The following ACBD5 variants were observed in gnomAD, a reference collection of about 807,000 sequenced individuals.
ACBD5 encodes the protein acyl-CoA binding domain containing 5.
Under a neutral mutation model 71.8 loss-of-function variants are expected in ACBD5, and 40 were observed. The observed-to-expected ratio is 0.56, with a 90% confidence interval of 0.43 to 0.72. ACBD5 has a LOEUF of 0.72. Among genes scored for constraint, ACBD5 ranks in the 30% least tolerant of loss-of-function variants. ACBD5 has a pLI of 0.00. For synonymous variants in ACBD5, 229 were observed against 218.6 expected, an observed-to-expected ratio of 1.05 and a Z score of -0.42; for missense variants, 559 against 644.5, an observed-to-expected ratio of 0.87 and a Z score of 1.44.
Position 27,195,699 on chromosome 10 carries a change from CAT to C in ACBD5, c.*1729_*1730del. The C allele has an allele frequency of 2.4e-6, 1 of 421,968 alleles. No individual in the cohort carries two copies. Among genetic ancestry groups the C allele is most frequent in the Non-Finnish European group, 4.6e-6 (1 of 218,166 alleles). 26.1% of individuals were successfully genotyped at this position (421,968 alleles called of 1,614,324 possible). On this transcript the variant is annotated 3_prime_UTR_variant, in exon 13 of 13. Coordinates refer to ENST00000396271, the MANE Select transcript of ACBD5 (RefSeq NM_145698.5). Reference sequence around the variant, plus strand: ...ATAGTAGTAGATCCCTTTAGACAGACATATTTTAATCAGTATGGGATTAAATA... The same window carrying C: ...ATAGTAGTAGATCCCTTTAGACAGACATTTTAATCAGTATGGGATTAAATA...
At chr10:27,192,436 A>G (rs1800949210), downstream of ACBD5, among the ~76,000 whole-genome samples, 1 of 152,140 alleles carries the variant, frequency 6.6e-6, no homozygotes, top group Non-Finnish European at 1.5e-5. Flanking sequence ...CACTGTGGTC[A>G]GGAGAATGGG....
intron 12 of ACBD5, among the ~76,000 whole-genome samples, chr10:27,202,360 TCAAA>T (rs2060011493): frequency 6.6e-6 from 1 of 152,104 alleles, no homozygotes; most frequent in Non-Finnish European, 1.5e-5. Context: ...TTTGGAAGGA[TCAAA>T]CAGTTAACAT....
intron 3 of ACBD5, among the ~76,000 whole-genome samples, chr10:27,233,198 G>T (rs373258364): frequency 2.0e-5 from 3 of 152,216 alleles, no homozygotes; most frequent in African/African-American, 7.2e-5. Context: ...AGGCCATGGC[G>T]GGCGGATCAC....
chr10:27,214,372 T>G (rs2137200794), intron 8 of ACBD5, among the ~76,000 whole-genome samples: 1 of 151,974 alleles, frequency 6.6e-6, no homozygotes, highest in Admixed American at 6.6e-5. Flanking sequence ...TTTATTATAT[T>G]TTTTATATTT....
rs2065402643 is a variant in ACBD5 at position 27,240,772 on chromosome 10, A to AC, written c.-85dup. The AC allele has an allele frequency of 1.3e-6, 2 of 1,538,456 alleles. No homozygotes were observed. The highest frequency in any genetic ancestry group is 8.8e-7 in the Non-Finnish European group (1 of 1,137,618). On this transcript the variant is annotated 5_prime_UTR_variant, in exon 1 of 13. An upstream open reading frame in the 5' UTR loses its in-frame stop. Transcript: ENST00000396271. The surrounding 1 kb of genome is among the most constrained non-coding windows in gnomAD (Gnocchi z 4.1). ...CTGGGGACCCTGGCGGAGCAGCCACACCCCCCATTCCGCCGGAGTCCGTCT... is the reference window on the plus strand; with the variant it reads ...CTGGGGACCCTGGCGGAGCAGCCACACCCCCCCATTCCGCCGGAGTCCGTCT...
intron 12 of ACBD5, 108 bp downstream of exon 12, chr10:27,204,332 C>T (rs1016455487): frequency 2.2e-5 from 17 of 760,974 alleles, no homozygotes; most frequent in African/African-American, 1.2e-4. Context: ...TTCACTATGA[C>T]GATGTATCTA....
intron 13 of ACBD5, among the ~76,000 whole-genome samples, chr10:27,184,879 T>C (rs1391267032): frequency 6.6e-6 from 1 of 152,116 alleles, no homozygotes; most frequent in Non-Finnish European, 1.5e-5. Context: ...TACTTTTATT[T>C]TACTAGGTAG....
At chr10:27,202,079 A>G (rs1175087096) in intron 12 of ACBD5, among the ~76,000 whole-genome samples, 2 of 152,010 alleles carry the variant, frequency 1.3e-5, no homozygotes, top group Non-Finnish European at 2.9e-5. Flanking sequence ...AGATTTCTAG[A>G]CCTTTCTTCT....
At chr10:27,226,871 G>A (rs1300546783) in intron 4 of ACBD5, among the ~76,000 whole-genome samples, 1 of 151,592 alleles carries the variant, frequency 6.6e-6, no homozygotes, top group Non-Finnish European at 1.5e-5. Context: ...CCAGGCTGGT[G>A]TGGAACTCCT....
In ACBD5 at chr10:27,187,620, C is replaced by T. The variant is rs190360165; in HGVS notation, c.1494-4905G>A. 3.5e-3 allele frequency among the ~76,000 whole-genome samples: 522 copies of T among 150,664 alleles called. 2 individuals are homozygous for T. The highest frequency in any genetic ancestry group is 0.012 in the African/African-American group (497 of 41,100). Reference sequence around the variant, plus strand: ...TAGAAAAATTAGCCAGGTATGGTGACGCACACCTGTAGTCCCAGCTACTTG... The same window carrying T: ...TAGAAAAATTAGCCAGGTATGGTGATGCACACCTGTAGTCCCAGCTACTTG... On this transcript the variant is annotated intron_variant, in intron 13 of 13. Coordinates refer to the ACBD5 transcript ENST00000676511.
Position 27,196,937 on chromosome 10 carries a change from C to T in ACBD5, c.*493G>A, listed in dbSNP as rs763585379. On this transcript the variant is annotated 3_prime_UTR_variant, in exon 13 of 13. Transcript: ENST00000396271. Reference sequence around the variant, plus strand: ...CCATTCTTCCTGTGGTTTTCTACTACATGCCATGGCAACTCCGTGACTAAG... The same window carrying T: ...CCATTCTTCCTGTGGTTTTCTACTATATGCCATGGCAACTCCGTGACTAAG... 1.1e-5 allele frequency: 5 copies of T among 454,196 alleles called. 1 individual carries two copies. The highest frequency in any genetic ancestry group is 7.8e-5 in the South Asian group (5 of 64,474). 28.1% of individuals were successfully genotyped at this position (454,196 alleles called of 1,614,324 possible). A position where few individuals can be genotyped will look rare whatever the true frequency, so the allele number is the denominator to read the frequency against.
At chr10:27,219,922 T>C (rs529526512) in intron 5 of ACBD5, 65 bp from the exon 6 acceptor site, 3 of 1,457,870 alleles carry the variant, frequency 2.1e-6, no homozygotes, top group African/African-American at 2.8e-5. Context: ...AATTTCCAAG[T>C]AATACTAATA....
Position 27,223,350 on chromosome 10 carries a change from C to G in ACBD5, c.478G>C (p.Asp160His). 1 of 1,612,750 alleles carries G rather than the reference C, an allele frequency of 6.2e-7. No homozygotes were observed. The highest frequency in any genetic ancestry group is 8.5e-7 in the Non-Finnish European group (1 of 1,178,970). Residue 160 changes from aspartate to histidine, a missense_variant, in exon 5 of 13, where the codon GAT becomes CAT. Transcript: ENST00000396271. ...AAAATAGTCCAACCTGAGGTTATAT[C>G]AGAACTCCTGCCACTCTTTTTGTCC... The part of the protein sequence containing the change: ...VEDKKSGRSS[D>H]ITSDLGNVLT...
chr10:27,207,148 C>T (rs1340155337), intron 10 of ACBD5, among the ~76,000 whole-genome samples: 4 of 151,592 alleles, frequency 2.6e-5, no homozygotes, highest in African/African-American at 7.3e-5. Flanking sequence ...TGGTGGCGTG[C>T]GCCTGTAGTC....
At position 27,231,731 on chromosome 10, in the gene ACBD5, T is replaced by G. The variant is rs374856336; in HGVS notation, c.375+17A>C. 1.5e-5 allele frequency: 24 copies of G among 1,611,794 alleles called. No individual in the cohort carries two copies. In the African/African-American group the frequency reaches 2.8e-4, roughly 19 times the overall value. ...CTGCTCTGAATTTTCATTTTAACTG[T>G]GAATTATTTTCCCTACCTTTTTCAT... is the stretch of plus-strand genomic sequence containing the variant. On this transcript the variant is annotated intron_variant, in intron 4 of 12. Coordinates refer to ENST00000396271, the MANE Select transcript of ACBD5 (RefSeq NM_145698.5).
At position 27,195,431 on chromosome 10, in the gene ACBD5, T is replaced by A. The variant is rs1315270802; in HGVS notation, c.*1999A>T. ...ATAAGACTTTGGAACAGGATAGAAA[T>A]GGTTATCCCTAGGAGTTAGTTATCC... On this transcript the variant is annotated 3_prime_UTR_variant, in exon 13 of 13. Coordinates refer to ENST00000396271, the MANE Select transcript of ACBD5 (RefSeq NM_145698.5). 4 of 454,386 alleles carry A rather than the reference T, an allele frequency of 8.8e-6. No homozygotes were observed. The highest frequency in any genetic ancestry group is 7.0e-5 in the Admixed American group (3 of 42,560). The allele number at this position is 454,386 out of a possible 1,614,324, so 28.1% of individuals were successfully genotyped here. A position where few individuals can be genotyped will look rare whatever the true frequency, so the allele number is the denominator to read the frequency against.
rs1200302166 is a variant in ACBD5, at chr10:27,215,553, T to A, written c.918A>T (p.Glu306Asp). ...SDSEVYCDSM[E>D]QFGQEESLDS... ...TTTTTACCTCTTCTTGTCCAAATTG[T>A]TCCATAGAATCACAGTAAACTTCAC... Residue 306 changes from glutamate to aspartate, a missense_variant, in exon 8 of 13, where the codon GAA becomes GAT. Glu to Asp is a conservative substitution (Grantham distance 45). Transcript: ENST00000396271. 6.2e-7 allele frequency: 1 copy of A among 1,612,788 alleles called. No homozygotes were observed. Among genetic ancestry groups the A allele is most frequent in the Non-Finnish European group, 8.5e-7 (1 of 1,179,262 alleles).
At chr10:27,216,735 A>T (rs977829158) in intron 7 of ACBD5, among the ~76,000 whole-genome samples, 2 of 152,220 alleles carry the variant, frequency 1.3e-5, no homozygotes, top group Admixed American at 1.3e-4. Flanking sequence ...TGAATTCCAT[A>T]AAGACAGCCT....
chr10:27,236,019 G>A (rs1290353034), intron 2 of ACBD5, among the ~76,000 whole-genome samples: 1 of 151,354 alleles, frequency 6.6e-6, no homozygotes, highest in African/African-American at 2.4e-5. Context: ...AGCCTAAGCA[G>A]AGAGGATCTC....
Sources: allele counts gnomAD v4.1 joint callset (sites outside exome capture counted in the v4.1 genomes callset), GRCh38; gene constraint gnomAD v4.1.1; non-coding constraint Gnocchi (gnomAD v3.1); transcripts MANE v1.5; gene names NCBI Gene and HGNC (gene_info 2026-07-23, HGNC 2026-07-21).